The following NOTCH3 variants were observed in gnomAD, a reference collection of about 807,000 sequenced individuals.
NOTCH3 encodes neurogenic locus notch homolog protein 3.
Under a neutral mutation model 213.3 loss-of-function variants are expected in NOTCH3, and 86 were observed. The observed-to-expected ratio is 0.40, with a 90% CI of 0.34 to 0.48. NOTCH3 has a LOEUF of 0.48. NOTCH3 is among the 20% of genes least tolerant of loss of function. The pLI is 0.57. For missense variants in NOTCH3, 2,783 were observed against 3,272.6 expected (o/e 0.85, Z 3.65); for synonymous variants, 1,354 against 1,355.9 (o/e 1.00, Z 0.03).
Position 15,177,962 on chromosome 19 carries a change from G to A in NOTCH3, c.3966C>T (p.Pro1322=), listed in dbSNP as rs1208625382. The part of the protein sequence containing the change: ...RCACPPGLSG[P]SCRSFPGSPP... ...GCGACCCCGGGAAGCTGCGGCAGGA[G>A]GGTCCCGACAACCCTGGGGGGCAGG... Residue 1322 remains proline, a synonymous_variant, in exon 24 of 33, where the codon CCC becomes CCT. Transcript: ENST00000263388. 9 of 1,339,400 alleles carry A rather than the reference G, an allele frequency of 6.7e-6. No homozygotes were observed. Among genetic ancestry groups the A allele is most frequent in the East Asian group, 3.1e-5 (1 of 31,918 alleles). The allele number at this position is 1,339,400 out of a possible 1,614,324, so 83.0% of individuals were successfully genotyped here.
Position 15,165,833 on chromosome 19 carries a change from G to C in NOTCH3, c.5621C>G (p.Thr1874Ser). The C allele has an allele frequency of 6.2e-7, 1 of 1,613,888 alleles. No homozygotes were observed. The highest frequency in any genetic ancestry group is 1.1e-5 in the South Asian group (1 of 91,082). The change falls in exon 30 of 33, where the codon ACT (threonine) becomes AGT (serine). Residue 1874 changes from threonine (T) to serine (S), a missense_variant. Thr to Ser is a moderately conservative substitution (Grantham distance 58, BLOSUM62 1). Around this residue, in one of 6 missense-constraint regions of NOTCH3, gnomAD observed 636 missense variants for 801.8 expected, o/e 0.79. Transcript: ENST00000263388. The surrounding 1 kb of genome is among the most constrained non-coding windows in gnomAD (Gnocchi z 4.7). ...DTNAQDHSGR[T>S]PLHTAVTADA... ...GGCTGTGACAGCTGTGTGCAGGGGA[G>C]TGCGGCCTGAGTGGTCCTGGGCATT...
chr19:15,182,129 T>A (rs773740941), intron 16 of NOTCH3, among the ~76,000 whole-genome samples: 28 of 152,208 alleles, frequency 1.8e-4, no homozygotes, highest in Non-Finnish European at 2.6e-4. Context: ...ATGTGGCTAC[T>A]GAGTCCTTGA....
chr19:15,184,235 G>A (rs1415019801), intron 16 of NOTCH3, 60 bp downstream of exon 16: 9 of 1,528,486 alleles, frequency 5.9e-6, no homozygotes, highest in Non-Finnish European at 8.2e-6. Flanking sequence ...CAGGCACACA[G>A]TTCAAGCTTA....
rs781401262 is a variant in NOTCH3 at position 15,178,854 on chromosome 19, C to T, written c.3806G>A (p.Gly1269Asp). The T allele has an allele frequency of 6.2e-7, 1 of 1,603,072 alleles. No homozygotes were observed. Among genetic ancestry groups the T allele is most frequent in the African/African-American group, 1.3e-5 (1 of 74,914 alleles). ...GQCRPSPGPG[G>D]GLTFTCHCAQ... ...ACAGTGACAGGTGAAGGTCAGCCCA[C>T]CCCCAGGACCCGGGCTAGGACGGCA... The change falls in exon 23 of 33, where the codon GGT (glycine) becomes GAT (aspartate). Residue 1269 changes from glycine (G) to aspartate (D), a missense_variant. By Grantham distance (94) the Gly-to-Asp change is moderately conservative. This residue lies in a region of NOTCH3 where 861 missense variants were observed against 909.1 expected (regional missense o/e 0.95). Coordinates refer to ENST00000263388, the MANE Select transcript of NOTCH3 (RefSeq NM_000435.3).
chr19:15,192,429 T>G lies in NOTCH3; in HGVS notation c.288A>C (p.Ser96=), dbSNP rs2046937370. ...PCAGRGVCQS[S]VVAGTARFSC... is the part of the protein sequence containing the mutation. ...AGAATCGGGCGGTGCCAGCCACCACTGAACTCTGGCAGACACCACGGCCAG... is the reference window on the plus strand; with the variant it reads ...AGAATCGGGCGGTGCCAGCCACCACGGAACTCTGGCAGACACCACGGCCAG... The change falls in exon 3 of 33, where the codon TCA becomes TCC. Residue 96 remains serine (S), a synonymous_variant. Transcript: ENST00000263388. 6.2e-7 allele frequency: 1 copy of G among 1,612,626 alleles called. No individual in the cohort carries two copies. Among genetic ancestry groups the G allele is most frequent in the South Asian group, 1.1e-5 (1 of 91,060 alleles).
At chr19:15,178,527 G>A (rs982541351) in intron 23 of NOTCH3, 3 of 481,614 alleles carry the variant, frequency 6.2e-6, no homozygotes, top group African/African-American at 3.9e-5. Context: ...TGGGATTACA[G>A]GCAGCTGCCA....
rs2145417896 is a variant in NOTCH3, at chr19:15,179,159, G to C, written c.3584C>G (p.Pro1195Arg). ...LVGGFRCTCP[P>R]GYTGLRCEAD... ...CTCGCAGCGCAAACCAGTGTATCCT[G>C]GGGGACAGGTGCAGCGGAAACCACC... Residue 1195 changes from proline to arginine, a missense_variant, in exon 22 of 33, where the codon CCA becomes CGA. Pro to Arg is a moderately radical substitution (Grantham distance 103). This residue lies in a region of NOTCH3 where 861 missense variants were observed against 909.1 expected (regional missense o/e 0.95). Coordinates refer to ENST00000263388, the MANE Select transcript of NOTCH3 (RefSeq NM_000435.3). 1 of 1,614,132 alleles carries C rather than the reference G, an allele frequency of 6.2e-7. No individual in the cohort carries two copies. The highest frequency in any genetic ancestry group is 8.5e-7 in the Non-Finnish European group (1 of 1,180,020).
In NOTCH3 at chr19:15,165,803, G is replaced by A. The variant is rs1274920464; in HGVS notation, c.5651C>T (p.Ala1884Val). ...TPLHTAVTADAQGVFQILIRN... is the reference protein window; with the variant it reads ...TPLHTAVTADVQGVFQILIRN... ...CTATCTCACCTGGAAGACACCCTGG[G>A]CATCGGCTGTGACAGCTGTGTGCAG... Residue 1884 changes from alanine (A) to valine (V), a missense_variant, in exon 30 of 33, where the codon GCC (alanine) becomes GTC (valine). Physicochemically the swap from Ala to Val is moderately conservative, Grantham distance 64 (BLOSUM62 0). This residue lies in a region of NOTCH3 where 636 missense variants were observed against 801.8 expected (regional missense o/e 0.79). Coordinates refer to ENST00000263388, the MANE Select transcript of NOTCH3 (RefSeq NM_000435.3). The surrounding 1 kb of genome is among the most constrained non-coding windows in gnomAD (Gnocchi z 4.7). 1 of 1,612,830 alleles carries A rather than the reference G, an allele frequency of 6.2e-7. No homozygotes were observed. Among genetic ancestry groups the A allele is most frequent in the Non-Finnish European group, 8.5e-7 (1 of 1,180,010 alleles).
Position 15,178,958 on chromosome 19 carries a change from A to G in NOTCH3, c.3719-17T>C, listed in dbSNP as rs201907752. The G allele has an allele frequency of 1.9e-6, 3 of 1,614,082 alleles. No homozygotes were observed. Among genetic ancestry groups the G allele is most frequent in the East Asian group, 2.2e-5 (1 of 44,882 alleles). ...AGCGAGGACCTGAGCGAGCGGGAGC[A>G]TGTAGATCAGCCACAATGGGGGAAT... On this transcript the variant is annotated splice_polypyrimidine_tract_variant and intron_variant, in intron 22 of 32. Transcript: ENST00000263388.
rs1474301759 is a variant in NOTCH3 at position 15,185,202 on chromosome 19, A to T, written c.2296+55T>A. The T allele has an allele frequency of 6.3e-6, 10 of 1,595,168 alleles. No individual in the cohort carries two copies. The highest frequency in any genetic ancestry group is 8.6e-6 in the Non-Finnish European group (10 of 1,164,450). On this transcript the variant is annotated intron_variant, in intron 14 of 32. Transcript: ENST00000263388. The surrounding 1 kb of genome is among the most constrained non-coding windows in gnomAD (Gnocchi z 4.2). ...GGGAGGAGAGAGTAGAGGAGAAGAG[A>T]GATGAGAAGGCCCATGGTGTTGGTG...
In NOTCH3 at chr19:15,184,997, GGA is replaced by G. The variant is rs1568357943; in HGVS notation, c.2317_2318del (p.Ser773ProfsTer8). The G allele has an allele frequency of 6.5e-7, 1 of 1,529,098 alleles. No homozygotes were observed. The allele number at this position is 1,529,098 out of a possible 1,614,324, so 94.7% of individuals were successfully genotyped here. On this transcript the variant is annotated frameshift_variant, in exon 15 of 33. Transcript: ENST00000263388. LOFTEE classifies it high-confidence loss of function. The stretch of plus-strand genomic sequence containing the variant: ...GCTCACAGGGGTTCGGGGTGCAGGG[GGA>G]GAGGAGTTCACACTGACGTCCTGTT... ...GVQGRQCELL[S>X]PCTPNPCEHG... is the part of the protein sequence containing the mutation.
intron 2 of NOTCH3, 135 bp downstream of exon 2, chr19:15,197,365 T>A: frequency 1.2e-6 from 1 of 824,572 alleles, no homozygotes; most frequent in Non-Finnish European, 2.0e-6. Context: ...ACACGAGAGG[T>A]TGCCCAAGCC....
chr19:15,178,851 C>G lies in NOTCH3; in HGVS notation c.3809G>C (p.Gly1270Ala), dbSNP rs1485019634. ...GGCACAGTGACAGGTGAAGGTCAGC[C>G]CACCCCCAGGACCCGGGCTAGGACG... Reference protein sequence around the residue: ...QCRPSPGPGGGLTFTCHCAQP... With the variant: ...QCRPSPGPGGALTFTCHCAQP... The change falls in exon 23 of 33, where the codon GGG becomes GCG. Residue 1270 changes from glycine to alanine, a missense_variant. Gly to Ala is a moderately conservative substitution (Grantham distance 60, BLOSUM62 0). Coordinates refer to ENST00000263388, the MANE Select transcript of NOTCH3 (RefSeq NM_000435.3). The G allele has an allele frequency of 1.9e-6, 3 of 1,602,306 alleles. No homozygotes were observed. The highest frequency in any genetic ancestry group is 2.2e-5 in the East Asian group (1 of 44,474).
rs10408676 is a variant in NOTCH3 at position 15,179,196 on chromosome 19, C to T, written c.3547G>A (p.Val1183Met). 31,266 of 1,613,932 alleles carry T rather than the reference C, an allele frequency of 0.019. 2,514 individuals carry two copies. The African/African-American group carries it at 0.25, about 13-fold the overall frequency. Residue 1183 changes from valine to methionine, a missense_variant, in exon 22 of 33, where the codon GTG becomes ATG. Val to Met is a conservative substitution (Grantham distance 21). Coordinates refer to ENST00000263388, the MANE Select transcript of NOTCH3 (RefSeq NM_000435.3). ...CAGCGGAAACCACCCACCAGGTCCACGCAGGTGCCATTGTGTAGGCACCGG... is the reference window on the plus strand; with the variant it reads ...CAGCGGAAACCACCCACCAGGTCCATGCAGGTGCCATTGTGTAGGCACCGG... ...GPRCLHNGTCVDLVGGFRCTC... is the reference protein window; with the variant it reads ...GPRCLHNGTCMDLVGGFRCTC...
intron 25 of NOTCH3, among the ~76,000 whole-genome samples, chr19:15,173,748 A>AAGAAGG (rs1193187942): frequency 0.038 from 211 of 5,496 alleles, 3 homozygotes; most frequent in African/African-American, 0.091. Flanking sequence ...AAAAGAAAAG[A>AAGAAGG]AGAAGGAGAA....
chr19:15,197,439 T>TCGGG, intron 2 of NOTCH3, 61 bp downstream of exon 2: 1 of 910,344 alleles, frequency 1.1e-6, no homozygotes, highest in Non-Finnish European at 1.8e-6. Flanking sequence ...AGAAGACAAA[T>TCGGG]CGCCCCTCCC....
intron 28 of NOTCH3, 68 bp from the exon 29 acceptor site, chr19:15,167,479 T>C: frequency 6.7e-7 from 1 of 1,481,784 alleles, no homozygotes; most frequent in Admixed American, 1.7e-5. Flanking sequence ...CTGCCAGGGA[T>C]GGGGCTGGGC....
intron 2 of NOTCH3, 59 bp downstream of exon 2, chr19:15,197,441 G>GCGGCCACCCCCCCCC: frequency 1.3e-6 from 1 of 768,364 alleles, no homozygotes; most frequent in East Asian, 2.7e-5. Context: ...AAGACAAATC[G>GCGGCCACCCCCCCCC]CCCCTCCCCC....
At chr19:15,186,461 G>T (rs1599388219) in intron 12 of NOTCH3, among the ~76,000 whole-genome samples, 1 of 151,774 alleles carries the variant, frequency 6.6e-6, no homozygotes, top group East Asian at 1.9e-4. Flanking sequence ...CTGGAGTACA[G>T]TGGCACAATC....
Sources: allele counts gnomAD v4.1 joint callset (sites outside exome capture counted in the v4.1 genomes callset), GRCh38; gene constraint gnomAD v4.1.1; regional missense constraint gnomAD v4.1.1; non-coding constraint Gnocchi (gnomAD v3.1); transcripts MANE v1.5; gene names NCBI Gene and HGNC (gene_info 2026-07-23, HGNC 2026-07-21).